LMNTD1: variants seen among roughly 807,000 people sequenced by gnomAD.
The protein encoded by LMNTD1 is lamin tail domain-containing protein 1.
LMNTD1 carries 35 observed loss-of-function variants against 50.9 expected under a neutral mutation model. The observed-to-expected ratio is 0.69, with a 90% CI of 0.53 to 0.91. The LOEUF is 0.91. Ranked by LOEUF, LMNTD1 falls within the 40% of genes least tolerant of loss-of-function variation. The pLI, the probability that LMNTD1 is intolerant of heterozygous loss-of-function variation, is 0.00. For synonymous variants in LMNTD1, 153 were observed against 161.9 expected (o/e 0.94, Z 0.42); for missense variants, 470 against 475.5 (o/e 0.99, Z 0.11).
At chr12:25,498,130 T>G (rs1156237624) in intron 9 of LMNTD1, among the ~76,000 whole-genome samples, 1 of 152,176 alleles carries the variant, frequency 6.6e-6, no homozygotes, top group East Asian at 1.9e-4. Flanking sequence ...ACTTTCTCAC[T>G]ACAAATAGGG....
intron 8 of LMNTD1, among the ~76,000 whole-genome samples, chr12:25,512,934 G>A (rs967283043): frequency 3.9e-5 from 6 of 152,050 alleles, no homozygotes; most frequent in African/African-American, 1.4e-4. Flanking sequence ...GCCCATGAGT[G>A]GTTTCTGGCA....
intron 9 of LMNTD1, among the ~76,000 whole-genome samples, chr12:25,479,596 C>T (rs2135902751): frequency 6.6e-6 from 1 of 152,326 alleles, no homozygotes; most frequent in Middle Eastern, 3.4e-3. Flanking sequence ...CACTGCCGCA[C>T]TTCTTTAGCC....
intron 1 of LMNTD1, among the ~76,000 whole-genome samples, chr12:25,603,209 T>C (rs1204224971): frequency 1.3e-5 from 2 of 152,224 alleles, no homozygotes; most frequent in African/African-American, 4.8e-5. Flanking sequence ...AGATGTACAA[T>C]TCCTTTAATA....
At chr12:25,536,012 A>T (rs1384214089) in intron 4 of LMNTD1, among the ~76,000 whole-genome samples, 1 of 152,190 alleles carries the variant, frequency 6.6e-6, no homozygotes, top group East Asian at 1.9e-4. Flanking sequence ...ACAAGGATCA[A>T]TTCATCAGAA....
chr12:25,532,153 C>T (rs771866573), intron 4 of LMNTD1, among the ~76,000 whole-genome samples: 27 of 152,030 alleles, frequency 1.8e-4, no homozygotes, highest in Non-Finnish European at 2.5e-4. Context: ...CTTTTGTATA[C>T]GTTGTTTTTT....
At chr12:25,632,417 A>C (rs1421886721) in intron 1 of LMNTD1, among the ~76,000 whole-genome samples, 1 of 152,222 alleles carries the variant, frequency 6.6e-6, no homozygotes, top group Non-Finnish European at 1.5e-5. Context: ...TAACCTATAA[A>C]GGAAAATTGA....
intron 9 of LMNTD1, among the ~76,000 whole-genome samples, chr12:25,480,256 T>C (rs956647262): frequency 6.6e-6 from 1 of 152,238 alleles, no homozygotes; most frequent in African/African-American, 2.4e-5. Flanking sequence ...ACTCCCATTG[T>C]AGGCATGGTG....
chr12:25,575,689 CT>C (rs3035947), intron 1 of LMNTD1, among the ~76,000 whole-genome samples: 1 of 150,808 alleles, frequency 6.6e-6, no homozygotes, highest in Admixed American at 6.6e-5. Context: ...GCTCTATTTT[CT>C]TTTTTTTTAT....
At chr12:25,494,191 T>C (rs1591824871) in intron 9 of LMNTD1, among the ~76,000 whole-genome samples, 1 of 152,318 alleles carries the variant, frequency 6.6e-6, no homozygotes, top group East Asian at 1.9e-4. Context: ...TAAAACACAA[T>C]GTGCTATGCA....
intron 1 of LMNTD1, among the ~76,000 whole-genome samples, chr12:25,627,133 G>A (rs1225249471): frequency 1.3e-5 from 2 of 152,162 alleles, no homozygotes; most frequent in South Asian, 4.1e-4. Context: ...TAACAAGAGG[G>A]TTAGGTCAAA....
At chr12:25,625,305 A>G (rs34320067) in intron 1 of LMNTD1, among the ~76,000 whole-genome samples, 2,760 of 152,212 alleles carry the variant, frequency 0.018, 79 homozygotes, top group African/African-American at 0.063. Context: ...AGGCCCCTAA[A>G]TTATACATAA....
chr12:25,644,230 C>T (rs1428893526), intron 1 of LMNTD1, among the ~76,000 whole-genome samples: 1 of 140,444 alleles, frequency 7.1e-6, no homozygotes, highest in South Asian at 2.2e-4. Context: ...AATCCCAGGA[C>T]TTTGGGAGGT....
intron 1 of LMNTD1, among the ~76,000 whole-genome samples, chr12:25,634,058 A>C (rs1946772960): frequency 6.6e-6 from 1 of 152,250 alleles, no homozygotes; most frequent in South Asian, 2.1e-4. Context: ...GAACACCTTC[A>C]TGCACATAAA....
At chr12:25,524,689 T>G (rs1941583520) in intron 6 of LMNTD1, among the ~76,000 whole-genome samples, 1 of 149,008 alleles carries the variant, frequency 6.7e-6, no homozygotes, top group African/African-American at 2.6e-5. Context: ...TGGGTTTTGC[T>G]AATGATTTCT....
At chr12:25,609,920 C>CT in intron 1 of LMNTD1, among the ~76,000 whole-genome samples, 1 of 152,266 alleles carries the variant, frequency 6.6e-6, no homozygotes, top group South Asian at 2.1e-4. Flanking sequence ...TTTCTGTTGC[C>CT]TTTTTTTCAG....
At chr12:25,545,992 G>T (rs1342127363) in intron 4 of LMNTD1, among the ~76,000 whole-genome samples, 2 of 151,448 alleles carry the variant, frequency 1.3e-5, no homozygotes, top group African/African-American at 2.4e-5. Flanking sequence ...CATAAAAATG[G>T]ATCAATGAAG....
chr12:25,559,229 T>C (rs1170743839), intron 1 of LMNTD1, among the ~76,000 whole-genome samples: 2 of 152,034 alleles, frequency 1.3e-5, no homozygotes, highest in African/African-American at 4.8e-5. Flanking sequence ...CAGTGTGTGA[T>C]GTTCCCCACC....
intron 4 of LMNTD1, among the ~76,000 whole-genome samples, chr12:25,534,368 C>T (rs1942430105): frequency 6.6e-6 from 1 of 152,114 alleles, no homozygotes. Context: ...TGATACTTGT[C>T]AACAAAGAAT....
chr12:25,534,219 A>G (rs890619162), intron 4 of LMNTD1, among the ~76,000 whole-genome samples: 24 of 152,178 alleles, frequency 1.6e-4, no homozygotes, highest in African/African-American at 5.6e-4. Context: ...AAGAAACAAC[A>G]GCTTTGATTG....
Sources: allele counts gnomAD v4.1 joint callset (sites outside exome capture counted in the v4.1 genomes callset), GRCh38; gene constraint gnomAD v4.1.1; transcripts MANE v1.5; gene names NCBI Gene and HGNC (gene_info 2026-07-23, HGNC 2026-07-21).